Variants in MICALL1 observed in about 807,000 individuals in gnomAD.
MICALL1 encodes the protein MICAL-like protein 1.
Under a neutral mutation model 83.7 loss-of-function variants are expected in MICALL1, and 61 were observed. The ratio of observed to expected loss-of-function variants is 0.73; its 90% CI spans 0.59 to 0.90. MICALL1 has a LOEUF of 0.90. Among genes scored for constraint, MICALL1 ranks in the 40% least tolerant of loss-of-function variants. The pLI, the probability that MICALL1 is intolerant of heterozygous loss-of-function variation, is 0.00. For synonymous variants in MICALL1, 481 were observed against 473.6 expected, an observed-to-expected ratio of 1.02 and a Z score of -0.20; for missense variants, 1,066 against 1,152.0, an observed-to-expected ratio of 0.93 and a Z score of 1.08.
At chr22:37,937,608 G>T (rs1930207362) in intron 14 of MICALL1, 138 bp from the exon 15 acceptor site, 6 of 764,630 alleles carry the variant, frequency 7.8e-6, no homozygotes, top group Non-Finnish European at 1.2e-5. Context: ...ATTTTTAGTA[G>T]AGATGGGGTT....
intron 15 of MICALL1, among the ~76,000 whole-genome samples, chr22:37,939,475 C>T (rs1023892005): frequency 1.3e-5 from 2 of 152,062 alleles, no homozygotes. Context: ...GTGAATCCAG[C>T]CTTTTAAAGA....
chr22:37,920,874 C>T (rs1163324041), intron 5 of MICALL1, among the ~76,000 whole-genome samples: 1 of 151,520 alleles, frequency 6.6e-6, no homozygotes, highest in African/African-American at 2.4e-5. Context: ...TGCAGTGAGC[C>T]GAGATCACGC....
chr22:37,923,225 C>T (rs6000942), intron 6 of MICALL1, among the ~76,000 whole-genome samples: 2,326 of 150,164 alleles, frequency 0.015, 58 homozygotes, highest in African/African-American at 0.054. Context: ...GCCACTGTGC[C>T]GGGCTCTTTT....
intron 9 of MICALL1, among the ~76,000 whole-genome samples, chr22:37,928,588 C>T (rs532697872): frequency 1.3e-5 from 2 of 152,194 alleles, no homozygotes; most frequent in Non-Finnish European, 2.9e-5. Context: ...CCACTCTGTC[C>T]AATGAGGCAC....
intron 13 of MICALL1, among the ~76,000 whole-genome samples, chr22:37,935,229 G>A (rs1156549599): frequency 1.3e-5 from 2 of 150,330 alleles, no homozygotes; most frequent in African/African-American, 4.9e-5. Context: ...ACCGCGCCAA[G>A]CCCTGGCCCT....
intron 3 of MICALL1, among the ~76,000 whole-genome samples, chr22:37,916,963 G>C (rs1044321994): frequency 2.0e-5 from 3 of 152,048 alleles, no homozygotes; most frequent in African/African-American, 7.2e-5. Context: ...TCCCAGGTTC[G>C]AGCGATTCTC....
chr22:37,914,589 T>C (rs977557064), intron 3 of MICALL1, among the ~76,000 whole-genome samples: 4 of 151,686 alleles, frequency 2.6e-5, no homozygotes, highest in Non-Finnish European at 5.9e-5. Flanking sequence ...TATATGTACA[T>C]ATATTATGTG....
At chr22:37,931,344 C>A (rs1417179286) in intron 9 of MICALL1, among the ~76,000 whole-genome samples, 2 of 152,056 alleles carry the variant, frequency 1.3e-5, no homozygotes, top group Middle Eastern at 3.2e-3. Flanking sequence ...GAGTTTGGGA[C>A]CAGCCTGGGC....
At chr22:37,917,916 C>G (rs1404664977) in intron 4 of MICALL1, 121 bp downstream of exon 4, 1 of 876,242 alleles carries the variant, frequency 1.1e-6, no homozygotes, top group Non-Finnish European at 1.8e-6. Flanking sequence ...TCAGAGGGTG[C>G]TTGTTCTCTG....
chr22:37,925,955 CCT>C lies in MICALL1; in HGVS notation c.1378_1379del (p.Leu460AlafsTer57). The C allele has an allele frequency of 6.2e-7, 1 of 1,613,890 alleles. No individual in the cohort carries two copies. The highest frequency in any genetic ancestry group is 8.5e-7 in the Non-Finnish European group (1 of 1,179,940). On this transcript the variant is annotated frameshift_variant, in exon 8 of 16. Coordinates refer to ENST00000215957, the MANE Select transcript of MICALL1 (RefSeq NM_033386.4). LOFTEE classifies it high-confidence loss of function. The part of the protein sequence containing the change: ...LGHPESTPKS[L>X]HPWYGITPTS... ...GCCACCCGGAGTCCACACCCAAGTC[CCT>C]GCACCCCTGGTACGGCATCACCCCT...
chr22:37,912,302 C>G (rs1303201327), intron 2 of MICALL1, 49 bp from the exon 3 acceptor site: 1 of 1,566,182 alleles, frequency 6.4e-7, no homozygotes, highest in South Asian at 1.2e-5. Flanking sequence ...AACGCCTCCT[C>G]CTCTTCCTGC....
intron 7 of MICALL1, 125 bp from the exon 8 acceptor site, chr22:37,925,536 G>C: frequency 1.5e-6 from 1 of 649,042 alleles, no homozygotes; most frequent in Non-Finnish European, 2.7e-6. Context: ...GGGGATGGGG[G>C]TGGGAGAAGG....
At chr22:37,935,578 A>G (rs1223194832) in intron 13 of MICALL1, among the ~76,000 whole-genome samples, 1 of 151,064 alleles carries the variant, frequency 6.6e-6, no homozygotes, top group Non-Finnish European at 1.5e-5. Flanking sequence ...TTTGAGATGG[A>G]GTGTCACTGT....
rs1929807898 is a variant in MICALL1, at chr22:37,931,870, C to G, written c.1953C>G (p.Thr651=). Residue 651 remains threonine (T), a synonymous_variant, in exon 10 of 16, where the codon ACC becomes ACG. Transcript: ENST00000215957. ...PAASPATKKA[T]KGSKPVRPPA... The stretch of plus-strand genomic sequence containing the variant: ...CGTCCCCAGCCACAAAGAAGGCCAC[C>G]AAGGGATCCAAGCCAGTGAGGCCAC... 6.2e-7 allele frequency: 1 copy of G among 1,614,066 alleles called. No homozygotes were observed. The highest frequency in any genetic ancestry group is 8.5e-7 in the Non-Finnish European group (1 of 1,180,036).
chr22:37,927,626 G>A lies in MICALL1; in HGVS notation c.1681G>A (p.Ala561Thr). The change falls in exon 9 of 16, where the codon GCC (alanine) becomes ACC (threonine). Residue 561 changes from alanine (A) to threonine (T), a missense_variant. Coordinates refer to ENST00000215957, the MANE Select transcript of MICALL1 (RefSeq NM_033386.4). ...PVSLSTNSSL[A>T]SSGELVEPRV... Reference sequence around the variant, plus strand: ...CAGCCTCTCTACCAACTCCTCCCTGGCCTCCTCTGGGGAACTAGTGGAGCC... The same window carrying A: ...CAGCCTCTCTACCAACTCCTCCCTGACCTCCTCTGGGGAACTAGTGGAGCC... 1 of 1,614,008 alleles carries A rather than the reference G, an allele frequency of 6.2e-7. No individual in the cohort carries two copies. The highest frequency in any genetic ancestry group is 8.5e-7 in the Non-Finnish European group (1 of 1,179,906).
intron 1 of MICALL1, among the ~76,000 whole-genome samples, chr22:37,908,318 T>G: frequency 6.6e-6 from 1 of 151,920 alleles, no homozygotes; most frequent in East Asian, 1.9e-4. Context: ...TTTATTTTTT[T>G]GAGATGGGGT....
chr22:37,923,443 G>T (rs1237699061), intron 6 of MICALL1, among the ~76,000 whole-genome samples: 1 of 152,146 alleles, frequency 6.6e-6, no homozygotes, highest in Non-Finnish European at 1.5e-5. Flanking sequence ...GGCCAGGCTG[G>T]TCTCGAACTC....
At chr22:37,915,858 T>C (rs1928644407) in intron 3 of MICALL1, among the ~76,000 whole-genome samples, 3 of 151,998 alleles carry the variant, frequency 2.0e-5, no homozygotes, top group Admixed American at 6.6e-5. Flanking sequence ...TGATGGCCGG[T>C]CTGGTCTGGG....
At chr22:37,929,270 G>T (rs561677542) in intron 9 of MICALL1, among the ~76,000 whole-genome samples, 1 of 152,332 alleles carries the variant, frequency 6.6e-6, no homozygotes, top group African/African-American at 2.4e-5. Flanking sequence ...CCATGGAACA[G>T]GGGAGCTGGG....
Sources: allele counts gnomAD v4.1 joint callset (sites outside exome capture counted in the v4.1 genomes callset), GRCh38; gene constraint gnomAD v4.1.1; transcripts MANE v1.5; gene names NCBI Gene and HGNC (gene_info 2026-07-23, HGNC 2026-07-21).